Variants in ADAMTS2 observed in about 807,000 individuals in gnomAD.
The protein encoded by ADAMTS2 is ADAM metallopeptidase with thrombospondin type 1 motif 2.
A neutral mutation model predicts 123.0 loss-of-function variants in ADAMTS2; 50 were observed. The observed-to-expected ratio is 0.41, with a 90% CI of 0.32 to 0.51. The LOEUF is 0.51. Among genes scored for constraint, ADAMTS2 ranks in the 20% least tolerant of loss-of-function variants. ADAMTS2 has a pLI of 0.35. For missense variants in ADAMTS2, 1,494 were observed against 1,705.2 expected, an observed-to-expected ratio of 0.88 and a Z score of 2.18; for synonymous variants, 678 against 695.4, an observed-to-expected ratio of 0.98 and a Z score of 0.39.
chr5:179,117,837 A>G lies in ADAMTS2; in HGVS notation c.3179-3513T>C, dbSNP rs1223489849. On this transcript the variant is annotated intron_variant, in intron 21 of 21. Coordinates refer to ENST00000251582, the MANE Select transcript of ADAMTS2 (RefSeq NM_014244.5). This position sits in a 1 kb window ranked among gnomAD's most constrained non-coding sequence, Gnocchi z 4.2. ...AGGTGTAAGCCACTGTGCCCGGCCC[A>G]TGCATTTCTTATCTGTGGCTGCTTT... Among the ~76,000 whole-genome samples, 1 of 152,184 alleles carries G rather than the reference A, an allele frequency of 6.6e-6. No individual in the cohort carries two copies. Among genetic ancestry groups the G allele is most frequent in the Admixed American group, 6.5e-5 (1 of 15,272 alleles).
At position 179,273,068 on chromosome 5, in the gene ADAMTS2, C is replaced by T. The variant is rs765017540; in HGVS notation, c.535-4G>A. Reference sequence around the variant, plus strand: ...CCTCCATCCGGATCAGACCAGCCTGCGGGACAAAGACAACAGGATCAGATT... The same window carrying T: ...CCTCCATCCGGATCAGACCAGCCTGTGGGACAAAGACAACAGGATCAGATT... On this transcript the variant is annotated splice_polypyrimidine_tract_variant and splice_region_variant and intron_variant, in intron 2 of 21. Coordinates refer to ENST00000251582, the MANE Select transcript of ADAMTS2 (RefSeq NM_014244.5). 22 of 1,613,412 alleles carry T rather than the reference C, an allele frequency of 1.4e-5. No individual in the cohort carries two copies. Among genetic ancestry groups the T allele is most frequent in the Non-Finnish European group, 1.6e-5 (19 of 1,180,034 alleles).
At position 179,284,102 on chromosome 5, in the gene ADAMTS2, G is replaced by T. The variant is rs75040518; in HGVS notation, c.535-11038C>A. On this transcript the variant is annotated intron_variant, in intron 2 of 21. Transcript: ENST00000251582. The stretch of plus-strand genomic sequence containing the variant: ...TCCCAGCACTTTGGGAGGACGAGGC[G>T]AATGGATCACAAGGCCAGGAGTTCA... Among the ~76,000 whole-genome samples the T allele has an allele frequency of 1.8e-4, 27 of 151,666 alleles. No individual in the cohort carries two copies. The South Asian group carries it at 4.8e-3, about 27-fold the overall frequency.
intron 3 of ADAMTS2, among the ~76,000 whole-genome samples, chr5:179,211,013 G>A (rs1025546114): frequency 1.3e-5 from 2 of 152,256 alleles, no homozygotes; most frequent in Non-Finnish European, 2.9e-5. Flanking sequence ...TGGGCCTGGC[G>A]TGGTCCTGAG....
chr5:179,328,234 G>A (rs376813678), intron 2 of ADAMTS2, among the ~76,000 whole-genome samples: 23 of 152,306 alleles, frequency 1.5e-4, no homozygotes, highest in African/African-American at 5.3e-4. Flanking sequence ...GGGTTTCACC[G>A]TGTTAGCCAG....
chr5:179,132,725 G>A lies in ADAMTS2; in HGVS notation c.2209+52C>T. The A allele has an allele frequency of 6.2e-7, 1 of 1,613,252 alleles. No homozygotes were observed. Among genetic ancestry groups the A allele is most frequent in the Non-Finnish European group, 8.5e-7 (1 of 1,179,550 alleles). Reference sequence around the variant, plus strand: ...GTCAGGCCCTCAGCTGTCCGGGCATGAGCCTGCTGCAGGCATCCAGGCTCC... The same window carrying A: ...GTCAGGCCCTCAGCTGTCCGGGCATAAGCCTGCTGCAGGCATCCAGGCTCC... On this transcript the variant is annotated intron_variant, in intron 14 of 21. Transcript: ENST00000251582. The surrounding 1 kb of genome is among the most constrained non-coding windows in gnomAD (Gnocchi z 6.1).
At chr5:179,209,661 C>G (rs1764807016) in intron 3 of ADAMTS2, among the ~76,000 whole-genome samples, 1 of 151,980 alleles carries the variant, frequency 6.6e-6, no homozygotes, top group South Asian at 2.1e-4. Flanking sequence ...GTGGGGCCGG[C>G]AGGCCTGCGG....
At chr5:179,194,711 G>C (rs1242150537) in intron 4 of ADAMTS2, among the ~76,000 whole-genome samples, 1 of 152,162 alleles carries the variant, frequency 6.6e-6, no homozygotes, top group African/African-American at 2.4e-5. Context: ...CAGTCTCAGT[G>C]ACCTGATGCA....
At chr5:179,263,449 G>A (rs1766283076) in intron 3 of ADAMTS2, among the ~76,000 whole-genome samples, 1 of 152,220 alleles carries the variant, frequency 6.6e-6, no homozygotes, top group South Asian at 2.1e-4. Flanking sequence ...CAGGTGCCCG[G>A]CCTTTTCCCA....
At chr5:179,318,488 T>C (rs1757064872) in intron 2 of ADAMTS2, among the ~76,000 whole-genome samples, 1 of 151,952 alleles carries the variant, frequency 6.6e-6, no homozygotes, top group Admixed American at 6.5e-5. Context: ...CACTGCAAAG[T>C]GGGACAGCTG....
intron 2 of ADAMTS2, among the ~76,000 whole-genome samples, chr5:179,341,629 C>T (rs927243509): frequency 1.3e-5 from 2 of 151,058 alleles, no homozygotes; most frequent in African/African-American, 2.4e-5. Context: ...AGGAGAATGG[C>T]GTGAACCCGG....
At chr5:179,300,734 A>G (rs1283409322) in intron 2 of ADAMTS2, among the ~76,000 whole-genome samples, 1 of 152,160 alleles carries the variant, frequency 6.6e-6, no homozygotes, top group African/African-American at 2.4e-5. Flanking sequence ...TGATGTGCAC[A>G]CTCAAAAGTG....
At position 179,158,042 on chromosome 5, in the gene ADAMTS2, G is replaced by A. The variant is rs1763515215; in HGVS notation, c.1132+681C>T. Among the ~76,000 whole-genome samples, 2 of 151,532 alleles carry A rather than the reference G, an allele frequency of 1.3e-5. No homozygotes were observed. Among genetic ancestry groups the A allele is most frequent in the Admixed American group, 1.3e-4 (2 of 15,190 alleles). ...CAAAGTGGTGCGATCTCGACTCATT[G>A]CAAACTCCGCCTCCCGGGTTCACAC... is the stretch of plus-strand genomic sequence containing the variant. On this transcript the variant is annotated intron_variant, in intron 6 of 21. Coordinates refer to ENST00000251582, the MANE Select transcript of ADAMTS2 (RefSeq NM_014244.5). This position sits in a 1 kb window ranked among gnomAD's most constrained non-coding sequence, Gnocchi z 5.0.
chr5:179,332,686 GAGAGGGGAGGGC>G lies in ADAMTS2; in HGVS notation c.534+11069_534+11080del, dbSNP rs1283030764. On this transcript the variant is annotated intron_variant, in intron 2 of 21. Transcript: ENST00000251582. This position sits in a 1 kb window ranked among gnomAD's most constrained non-coding sequence, Gnocchi z 4.2. ...GTGGCCAGTGGCCAGCCATCGTGCA[GAGAGGGGAGGGC>G]AGAGGGGAGGGAGGGAGGGGATGGG... Among the ~76,000 whole-genome samples, 1 of 145,776 alleles carries G rather than the reference GAGAGGGGAGGGC, an allele frequency of 6.9e-6. No individual in the cohort carries two copies. Among genetic ancestry groups the G allele is most frequent in the Admixed American group, 6.8e-5 (1 of 14,796 alleles).
At chr5:179,344,237 C>G in intron 1 of ADAMTS2, 76 bp from the exon 2 acceptor site, 2 of 1,486,774 alleles carry the variant, frequency 1.3e-6, no homozygotes, top group Non-Finnish European at 1.8e-6. Context: ...GCAAGCCACG[C>G]CCCCCCAGAC....
chr5:179,281,799 T>C (rs548146382), intron 2 of ADAMTS2, among the ~76,000 whole-genome samples: 12 of 152,282 alleles, frequency 7.9e-5, no homozygotes, highest in African/African-American at 2.9e-4. Flanking sequence ...TTTCCCCTCA[T>C]CCCCACCAAT....
chr5:179,222,863 C>A (rs1428055827), intron 3 of ADAMTS2, among the ~76,000 whole-genome samples: 2 of 152,198 alleles, frequency 1.3e-5, no homozygotes, highest in African/African-American at 2.4e-5. Context: ...GGCCCAGCTG[C>A]CTCCGAACCT....
intron 11 of ADAMTS2, among the ~76,000 whole-genome samples, chr5:179,138,790 C>T (rs898514216): frequency 6.6e-6 from 1 of 152,178 alleles, no homozygotes; most frequent in Non-Finnish European, 1.5e-5. Flanking sequence ...GACTGCGGGT[C>T]CTCTCTGGCT....
chr5:179,114,231 T>A lies in ADAMTS2; in HGVS notation c.3272A>T (p.Lys1091Met). Residue 1091 changes from lysine to methionine, a missense_variant, in exon 22 of 22, where the codon AAG becomes ATG. Around this residue, in one of 6 missense-constraint regions of ADAMTS2, gnomAD observed 953 missense variants for 1,124.7 expected, o/e 0.85. Coordinates refer to ENST00000251582, the MANE Select transcript of ADAMTS2 (RefSeq NM_014244.5). The part of the protein sequence containing the change: ...SIPGYNKLCC[K>M]SCNLYNNLTN... ...GAGGTTGTTGTACAGGTTACAGGAC[T>A]TGCAGCACAGCTTGTTGTAGCCTGG... 6.2e-7 allele frequency: 1 copy of A among 1,613,964 alleles called. No homozygotes were observed. Among genetic ancestry groups the A allele is most frequent in the Non-Finnish European group, 8.5e-7 (1 of 1,179,848 alleles).
Position 179,207,487 on chromosome 5 carries a change from C to T in ADAMTS2, c.891+26G>A, listed in dbSNP as rs763769058. On this transcript the variant is annotated intron_variant, in intron 4 of 21. Coordinates refer to ENST00000251582, the MANE Select transcript of ADAMTS2 (RefSeq NM_014244.5). The stretch of plus-strand genomic sequence containing the variant: ...CCCTGGTTGACCCTCCCCGCCCCAC[C>T]CTGCCCCCTCAGCCACCCCACTCAC... 9 of 1,229,806 alleles carry T rather than the reference C, an allele frequency of 7.3e-6. No homozygotes were observed. In the East Asian group the frequency reaches 1.2e-4, roughly 17 times the overall value. The allele number at this position is 1,229,806 out of a possible 1,614,324, so 76.2% of individuals were successfully genotyped here.
Sources: allele counts gnomAD v4.1 joint callset (sites outside exome capture counted in the v4.1 genomes callset), GRCh38; gene constraint gnomAD v4.1.1; regional missense constraint gnomAD v4.1.1; non-coding constraint Gnocchi (gnomAD v3.1); transcripts MANE v1.5; gene names NCBI Gene and HGNC (gene_info 2026-07-23, HGNC 2026-07-21).